Variants in SMOC2 observed in about 807,000 individuals in gnomAD.
SMOC2 encodes the protein SPARC related modular calcium binding 2.
A neutral mutation model predicts 61.4 loss-of-function variants in SMOC2; 39 were observed. The observed-to-expected ratio is 0.64, with a 90% CI of 0.49 to 0.83. The LOEUF (loss-of-function observed/expected upper bound fraction) is 0.83. SMOC2 is among the 40% of genes least tolerant of loss of function. The pLI is 0.00. For missense variants in SMOC2, 556 were observed against 592.9 expected, an observed-to-expected ratio of 0.94 and a Z score of 0.65; for synonymous variants, 247 against 239.9, an observed-to-expected ratio of 1.03 and a Z score of -0.27.
At chr6:168,609,185 C>T (rs371665598) in intron 9 of SMOC2, among the ~76,000 whole-genome samples, 1 of 152,126 alleles carries the variant, frequency 6.6e-6, no homozygotes, top group Non-Finnish European at 1.5e-5. Context: ...AATGTGGTTC[C>T]GGGGACACAC....
In SMOC2 at chr6:168,553,795, G is replaced by A. The variant is rs1032926044; in HGVS notation, c.637+4592G>A. ...ATTTGCCACCATTTGCCATAGTGAC[G>A]TGACCTATGGGAAAGAGCACTCAGA... On this transcript the variant is annotated intron_variant, in intron 7 of 12. Coordinates refer to ENST00000356284, the MANE Select transcript of SMOC2 (RefSeq NM_001166412.2). This position sits in a 1 kb window ranked among gnomAD's most constrained non-coding sequence, Gnocchi z 4.2. Among the ~76,000 whole-genome samples the A allele has an allele frequency of 2.2e-4, 34 of 152,184 alleles. No homozygotes were observed. Among genetic ancestry groups the A allele is most frequent in the Non-Finnish European group, 4.1e-4 (28 of 68,032 alleles).
chr6:168,467,083 A>G (rs1425947030), intron 1 of SMOC2, among the ~76,000 whole-genome samples: 1 of 150,310 alleles, frequency 6.7e-6, no homozygotes, highest in Non-Finnish European at 1.5e-5. Context: ...GAGCTGCAGC[A>G]CTTCTGCCGT....
chr6:168,457,001 C>T (rs372977416), intron 1 of SMOC2, among the ~76,000 whole-genome samples: 16 of 152,284 alleles, frequency 1.1e-4, no homozygotes, highest in African/African-American at 2.9e-4. Context: ...AGCATGCACA[C>T]GCTCATGTGA....
intron 1 of SMOC2, among the ~76,000 whole-genome samples, chr6:168,469,310 G>T (rs1437792491): frequency 6.6e-6 from 1 of 152,216 alleles, no homozygotes; most frequent in Non-Finnish European, 1.5e-5. Context: ...GAGGGTCTCA[G>T]ATTCTTACTC....
At chr6:168,560,571 C>A (rs10945516) in intron 7 of SMOC2, among the ~76,000 whole-genome samples, 10 of 66,722 alleles carry the variant, frequency 1.5e-4, no homozygotes, top group South Asian at 6.9e-4. Flanking sequence ...GCTCTCACTG[C>A]ATTCTTGGAG....
intron 7 of SMOC2, among the ~76,000 whole-genome samples, chr6:168,565,149 T>A (rs1784514294): frequency 6.6e-6 from 1 of 152,260 alleles, no homozygotes; most frequent in South Asian, 2.1e-4. Flanking sequence ...ATAAATGCAG[T>A]TCCCTTAGTG....
At chr6:168,637,762 C>T (rs1184209519) in intron 9 of SMOC2, among the ~76,000 whole-genome samples, 2 of 152,190 alleles carry the variant, frequency 1.3e-5, no homozygotes, top group South Asian at 2.1e-4. Flanking sequence ...AAAACCAGTG[C>T]CTGAGACCTT....
intron 7 of SMOC2, among the ~76,000 whole-genome samples, chr6:168,557,780 C>T (rs1784282284): frequency 6.6e-6 from 1 of 152,154 alleles, no homozygotes; most frequent in Admixed American, 6.5e-5. Context: ...TCATATGATG[C>T]TTATGAGGTA....
At chr6:168,445,480 A>G (rs909156512) in intron 1 of SMOC2, among the ~76,000 whole-genome samples, 2 of 152,242 alleles carry the variant, frequency 1.3e-5, no homozygotes, top group African/African-American at 4.8e-5. Flanking sequence ...CAAGTTCATG[A>G]GATGATTTAA....
At chr6:168,540,433 A>C (rs1004410223) in intron 4 of SMOC2, among the ~76,000 whole-genome samples, 2 of 152,036 alleles carry the variant, frequency 1.3e-5, no homozygotes, top group African/African-American at 4.8e-5. Flanking sequence ...TCCATTGTGC[A>C]CTCCTATGTG....
intron 2 of SMOC2, among the ~76,000 whole-genome samples, chr6:168,511,907 C>T (rs1783019417): frequency 6.8e-6 from 1 of 146,194 alleles, no homozygotes; most frequent in South Asian, 2.2e-4. Context: ...AGGTATGGGG[C>T]ACAGTAAGTA....
At chr6:168,555,253 A>T (rs1784220437) in intron 7 of SMOC2, among the ~76,000 whole-genome samples, 2 of 152,234 alleles carry the variant, frequency 1.3e-5, no homozygotes, top group African/African-American at 2.4e-5. Context: ...TTGGAGATTT[A>T]AAAAAGCACA....
At chr6:168,519,210 C>T (rs62424677) in intron 2 of SMOC2, among the ~76,000 whole-genome samples, 11 of 110,830 alleles carry the variant, frequency 9.9e-5, no homozygotes, top group African/African-American at 3.2e-4. Context: ...TGTATGCATG[C>T]GTGTGTGAGA....
chr6:168,634,497 A>G (rs150942107), intron 9 of SMOC2, among the ~76,000 whole-genome samples: 23 of 152,326 alleles, frequency 1.5e-4, no homozygotes, highest in African/African-American at 5.3e-4. Flanking sequence ...TTCATGCCCA[A>G]TTCGAGTCTG....
At chr6:168,517,311 G>A (rs1196721076) in intron 2 of SMOC2, among the ~76,000 whole-genome samples, 1 of 152,244 alleles carries the variant, frequency 6.6e-6, no homozygotes, top group African/African-American at 2.4e-5. Flanking sequence ...CTGGCTGTGA[G>A]GCCCAGCAGG....
At chr6:168,473,239 G>C (rs1782004484) in intron 1 of SMOC2, among the ~76,000 whole-genome samples, 1 of 152,146 alleles carries the variant, frequency 6.6e-6, no homozygotes, top group Non-Finnish European at 1.5e-5. Flanking sequence ...AGGGTGGCCA[G>C]AAAGTGGATC....
At position 168,599,029 on chromosome 6, in the gene SMOC2, C is replaced by G. The variant is rs752600933; in HGVS notation, c.824+25C>G. On this transcript the variant is annotated intron_variant, in intron 8 of 12. Transcript: ENST00000356284. ...GGTAAATAGGGTGCACCCACCCCCC[C>G]CGGGACCATGGGAGGCTTTGGGGTG... The G allele has an allele frequency of 2.6e-6, 4 of 1,551,048 alleles. No homozygotes were observed. In the East Asian group the frequency reaches 7.3e-5, roughly 28 times the overall value.
At chr6:168,494,747 A>G (rs9364459) in intron 1 of SMOC2, among the ~76,000 whole-genome samples, 33,935 of 152,106 alleles carry the variant, frequency 0.22, 6,338 homozygotes, top group African/African-American at 0.49. Flanking sequence ...GTGAGAGTGA[A>G]CCCTCGGCTG....
intron 7 of SMOC2, among the ~76,000 whole-genome samples, chr6:168,583,872 A>C (rs1195656925): frequency 1.3e-5 from 2 of 151,966 alleles, no homozygotes; most frequent in Non-Finnish European, 2.9e-5. Context: ...AGAAGGGAGG[A>C]GGGCAGAGGA....
Sources: allele counts gnomAD v4.1 joint callset (sites outside exome capture counted in the v4.1 genomes callset), GRCh38; gene constraint gnomAD v4.1.1; non-coding constraint Gnocchi (gnomAD v3.1); transcripts MANE v1.5; gene names NCBI Gene and HGNC (gene_info 2026-07-23, HGNC 2026-07-21).